CDH12: variants seen among roughly 807,000 people sequenced by gnomAD.
CDH12 encodes the protein cadherin-12.
In CDH12, 41 loss-of-function variants were observed where a neutral mutation model predicts 74.1. The observed-to-expected ratio is 0.55, with a 90% confidence interval of 0.43 to 0.72. The LOEUF is 0.72. CDH12 is among the 30% of genes least tolerant of loss of function. The probability of loss-of-function intolerance (pLI) is 0.00; values close to 1 mark genes in which losing one functional copy is unlikely to be tolerated. For missense variants in CDH12, 945 were observed against 977.2 expected, an observed-to-expected ratio of 0.97 and a Z score of 0.44; for synonymous variants, 399 against 355.0, an observed-to-expected ratio of 1.12 and a Z score of -1.39.
intron 3 of CDH12, among the ~76,000 whole-genome samples, chr5:22,214,646 A>G (rs1751731045): frequency 6.6e-6 from 1 of 152,164 alleles, no homozygotes; most frequent in African/African-American, 2.4e-5. Flanking sequence ...ATCGTGAACT[A>G]TTTTTAAAAC....
At chr5:22,683,381 A>C (rs796686874) in intron 1 of CDH12, among the ~76,000 whole-genome samples, 38 of 152,316 alleles carry the variant, frequency 2.5e-4, no homozygotes, top group African/African-American at 8.9e-4. Flanking sequence ...CAATACTGTT[A>C]AATAAGTGTA....
intron 5 of CDH12, among the ~76,000 whole-genome samples, chr5:22,046,375 C>T (rs1739951017): frequency 6.7e-6 from 1 of 150,028 alleles, no homozygotes; most frequent in Non-Finnish European, 1.5e-5. Flanking sequence ...CTTGTCTGGG[C>T]AGATATAATA....
intron 6 of CDH12, among the ~76,000 whole-genome samples, chr5:21,876,287 C>T (rs963767471): frequency 1.3e-5 from 2 of 152,148 alleles, no homozygotes; most frequent in African/African-American, 4.8e-5. Context: ...GACTCTCCCC[C>T]TGAGTCTCTG....
chr5:22,785,535 T>C (rs1249246471), intron 1 of CDH12, among the ~76,000 whole-genome samples: 2 of 152,170 alleles, frequency 1.3e-5, no homozygotes, highest in Non-Finnish European at 2.9e-5. Context: ...TATTTATTTA[T>C]TTGAGACAAG....
At chr5:22,594,348 G>A (rs1736490690) in intron 1 of CDH12, among the ~76,000 whole-genome samples, 1 of 152,060 alleles carries the variant, frequency 6.6e-6, no homozygotes. Flanking sequence ...CCATTGAATG[G>A]CAGTGCCTCC....
chr5:22,628,729 G>A (rs1369933393), intron 1 of CDH12, among the ~76,000 whole-genome samples: 2 of 151,994 alleles, frequency 1.3e-5, no homozygotes, highest in Admixed American at 6.6e-5. Flanking sequence ...GCTAGCAGAG[G>A]ACAAGAAATA....
Position 22,834,662 on chromosome 5 carries a change from T to C in CDH12, c.-523+18396A>G, listed in dbSNP as rs1348228557. Among the ~76,000 whole-genome samples, 4 of 152,134 alleles carry C rather than the reference T, an allele frequency of 2.6e-5. No individual in the cohort carries two copies. In the East Asian group the frequency reaches 5.8e-4, roughly 22 times the overall value. ...TGGAAGCCAATTAATTTATTACTAATATTAAGGGGCATGTACTTAGAAATG... is the reference window on the plus strand; with the variant it reads ...TGGAAGCCAATTAATTTATTACTAACATTAAGGGGCATGTACTTAGAAATG... On this transcript the variant is annotated intron_variant, in intron 1 of 14. Transcript: ENST00000382254.
intron 5 of CDH12, among the ~76,000 whole-genome samples, chr5:22,025,555 G>C (rs546745247): frequency 6.6e-6 from 1 of 152,106 alleles, no homozygotes; most frequent in Admixed American, 6.6e-5. Flanking sequence ...TGATCAGGGT[G>C]GTGGTTGCTG....
intron 1 of CDH12, among the ~76,000 whole-genome samples, chr5:22,508,195 C>G (rs1005867704): frequency 2.0e-5 from 3 of 152,112 alleles, no homozygotes; most frequent in South Asian, 4.1e-4. Flanking sequence ...CATTTTCCAG[C>G]CTACCATAGA....
rs1044091925 is a variant in CDH12, at chr5:22,069,732, A to G, written c.231+8714T>C. Among the ~76,000 whole-genome samples the G allele has an allele frequency of 1.5e-4, 23 of 152,132 alleles. 1 individual carries two copies. The highest frequency in any genetic ancestry group is 4.4e-5 in the Non-Finnish European group (3 of 68,034). On this transcript the variant is annotated intron_variant, in intron 5 of 14. Coordinates refer to ENST00000382254, the MANE Select transcript of CDH12 (RefSeq NM_004061.5). ...GTGATTCATCTTGAGTGCCAATGGG[A>G]AATTGGATTGACACCCCACAATGGA...
At chr5:22,258,357 G>A (rs61384142) in intron 3 of CDH12, among the ~76,000 whole-genome samples, 13,096 of 151,958 alleles carry the variant, frequency 0.086, 728 homozygotes, top group South Asian at 0.12. Context: ...TGGCTTCAAC[G>A]ATGCTCTGTG....
chr5:22,020,011 G>A (rs1274105567), intron 5 of CDH12, among the ~76,000 whole-genome samples: 8 of 151,992 alleles, frequency 5.3e-5, no homozygotes, highest in South Asian at 2.1e-4. Flanking sequence ...CATTGGAGAC[G>A]AAAAAAATAA....
At chr5:22,744,923 T>G (rs113099908) in intron 1 of CDH12, among the ~76,000 whole-genome samples, 7 of 151,784 alleles carry the variant, frequency 4.6e-5, no homozygotes, top group Non-Finnish European at 8.8e-5. Context: ...CCTAACAGGG[T>G]GGGTAGGAGA....
At chr5:22,328,939 C>A (rs1157140193) in intron 3 of CDH12, among the ~76,000 whole-genome samples, 3 of 152,012 alleles carry the variant, frequency 2.0e-5, no homozygotes, top group African/African-American at 7.2e-5. Context: ...TTTGAGCCCA[C>A]TAAAATTTAA....
chr5:22,654,650 GTT>G (rs1739935508), intron 1 of CDH12, among the ~76,000 whole-genome samples: 2 of 140,266 alleles, frequency 1.4e-5, no homozygotes, highest in African/African-American at 2.7e-5. Flanking sequence ...TGTTGTTGTT[GTT>G]TTGAGACAGT....
At chr5:22,723,449 G>C (rs1282432613) in intron 1 of CDH12, among the ~76,000 whole-genome samples, 2 of 152,064 alleles carry the variant, frequency 1.3e-5, no homozygotes, top group Non-Finnish European at 2.9e-5. Flanking sequence ...ATTTTGGCTT[G>C]ATAGTAGATA....
chr5:22,719,869 G>C (rs901103313), intron 1 of CDH12, among the ~76,000 whole-genome samples: 1 of 152,084 alleles, frequency 6.6e-6, no homozygotes, highest in Non-Finnish European at 1.5e-5. Context: ...TGTTAGAGTA[G>C]GCAGATAGCC....
chr5:22,290,692 T>C (rs1195976063), intron 3 of CDH12, among the ~76,000 whole-genome samples: 1 of 152,102 alleles, frequency 6.6e-6, no homozygotes, highest in African/African-American at 2.4e-5. Flanking sequence ...ATAGGGGTCA[T>C]TAAAACTGAT....
At chr5:22,840,046 T>C (rs933646723) in intron 1 of CDH12, among the ~76,000 whole-genome samples, 2 of 152,196 alleles carry the variant, frequency 1.3e-5, no homozygotes. Context: ...TTTTTCAGTT[T>C]TAAAATTCAA....
Sources: gnomAD v4.1 joint callset for allele counts (sites outside exome capture counted in the v4.1 genomes callset) on GRCh38, gnomAD v4.1.1 for gene constraint, MANE v1.5 for transcripts, NCBI Gene and HGNC (gene_info 2026-07-23, HGNC 2026-07-21) for gene names.